The following CABLES1 variants were observed in gnomAD, a reference collection of about 807,000 sequenced individuals.
CABLES1 encodes Cdk5 and Abl enzyme substrate 1.
CABLES1 carries 36 observed loss-of-function variants against 57.8 expected under a neutral mutation model. The ratio of observed to expected loss-of-function variants is 0.62; its 90% CI spans 0.48 to 0.82. CABLES1 has a LOEUF of 0.82. Among genes scored for constraint, CABLES1 ranks in the 40% least tolerant of loss-of-function variants. The pLI is 0.00. For synonymous variants in CABLES1, 374 were observed against 363.0 expected (o/e 1.03, Z -0.35); for missense variants, 767 against 836.6 (o/e 0.92, Z 1.03).
At chr18:23,223,239 C>T (rs1438379238) in intron 4 of CABLES1, among the ~76,000 whole-genome samples, 1 of 152,170 alleles carries the variant, frequency 6.6e-6, no homozygotes, top group Non-Finnish European at 1.5e-5. Flanking sequence ...CACACAGCCC[C>T]ATATTGAGCA....
At chr18:23,164,747 CAT>C (rs1293576384) in intron 1 of CABLES1, among the ~76,000 whole-genome samples, 2 of 150,550 alleles carry the variant, frequency 1.3e-5, no homozygotes, top group Non-Finnish European at 2.9e-5. Context: ...TGTGATAAAA[CAT>C]ATAAAAATTT....
intron 2 of CABLES1, among the ~76,000 whole-genome samples, chr18:23,192,188 G>A (rs559370764): frequency 6.6e-6 from 1 of 152,322 alleles, no homozygotes; most frequent in Non-Finnish European, 1.5e-5. Flanking sequence ...GTTACCTGGT[G>A]TCCAAAAATA....
rs1320066627 is a variant in CABLES1, at chr18:23,188,834, G to T, written c.846-4G>T. ...ACTCCCAGATTTTTTCCTTCTTTCTGCAGACGGCGCCTCATCTCCCAGAGA... is the reference window on the plus strand; with the variant it reads ...ACTCCCAGATTTTTTCCTTCTTTCTTCAGACGGCGCCTCATCTCCCAGAGA... On this transcript the variant is annotated splice_region_variant and splice_polypyrimidine_tract_variant and intron_variant, in intron 1 of 9. Transcript: ENST00000256925. The T allele has an allele frequency of 6.2e-7, 1 of 1,612,930 alleles. No individual in the cohort carries two copies. Among genetic ancestry groups the T allele is most frequent in the Non-Finnish European group, 8.5e-7 (1 of 1,179,016 alleles).
intron 3 of CABLES1, among the ~76,000 whole-genome samples, chr18:23,195,949 C>T (rs973783069): frequency 3.3e-5 from 5 of 152,118 alleles, no homozygotes; most frequent in Admixed American, 2.0e-4. Flanking sequence ...ATGTAGAAAG[C>T]CTTTAATTTC....
intron 1 of CABLES1, among the ~76,000 whole-genome samples, chr18:23,179,106 T>G (rs1231142787): frequency 6.6e-6 from 1 of 152,012 alleles, no homozygotes; most frequent in East Asian, 1.9e-4. Context: ...GCCAACACGG[T>G]GAAACCCTGT....
intron 1 of CABLES1, among the ~76,000 whole-genome samples, chr18:23,151,022 T>G (rs1434483228): frequency 1.3e-5 from 2 of 148,202 alleles, no homozygotes; most frequent in Non-Finnish European, 3.0e-5. Flanking sequence ...TACGTTTTTT[T>G]TTTTTTTTTT....
chr18:23,166,708 A>G (rs28625207), intron 1 of CABLES1, among the ~76,000 whole-genome samples: 121,426 of 152,170 alleles, frequency 0.8, 48,690 homozygotes, highest in Middle Eastern at 0.87. Flanking sequence ...GTATATATAC[A>G]TATTTAGTGT....
intron 1 of CABLES1, among the ~76,000 whole-genome samples, chr18:23,145,414 T>A (rs2046885832): frequency 6.6e-6 from 1 of 152,156 alleles, no homozygotes; most frequent in East Asian, 1.9e-4. Flanking sequence ...TTTGTCCTGT[T>A]CTCCTCTTTG....
intron 3 of CABLES1, among the ~76,000 whole-genome samples, chr18:23,203,191 G>A (rs1274196060): frequency 3.9e-5 from 6 of 152,122 alleles, no homozygotes; most frequent in Admixed American, 3.9e-4. Context: ...GCTTTACTGG[G>A]TGTCCTTTTG....
At chr18:23,143,533 A>T (rs1334966946) in intron 1 of CABLES1, among the ~76,000 whole-genome samples, 1 of 152,170 alleles carries the variant, frequency 6.6e-6, no homozygotes, top group Non-Finnish European at 1.5e-5. Flanking sequence ...CTGGCTGTTT[A>T]TAAATAATAC....
Position 23,147,687 on chromosome 18 carries a change from C to T in CABLES1, c.845+11080C>T, listed in dbSNP as rs560867959. Among the ~76,000 whole-genome samples the T allele has an allele frequency of 2.0e-5, 3 of 152,286 alleles. No individual in the cohort carries two copies. The East Asian group carries it at 5.8e-4, about 29-fold the overall frequency. On this transcript the variant is annotated intron_variant, in intron 1 of 9. Transcript: ENST00000256925. ...TGGTGCTGCATTTTGCCCCTGCTTA[C>T]GCTGGAATCGTGACAATTTCTATTG...
chr18:23,249,625 A>G (rs1003408723), intron 7 of CABLES1, among the ~76,000 whole-genome samples: 9 of 152,290 alleles, frequency 5.9e-5, no homozygotes, highest in African/African-American at 1.9e-4. Flanking sequence ...TTGATCTTCA[A>G]GATAAACCTG....
At chr18:23,243,500 T>C (rs1398703663) in intron 7 of CABLES1, among the ~76,000 whole-genome samples, 3 of 150,636 alleles carry the variant, frequency 2.0e-5, no homozygotes, top group East Asian at 1.9e-4. Context: ...GGTCTTTTTG[T>C]TGTTGTTAAC....
chr18:23,152,767 G>A (rs886241873), intron 1 of CABLES1, among the ~76,000 whole-genome samples: 3 of 151,822 alleles, frequency 2.0e-5, no homozygotes, highest in Admixed American at 6.6e-5. Flanking sequence ...TTATAGGCTC[G>A]AGCCACCATG....
rs112199035 is a variant in CABLES1 at position 23,146,929 on chromosome 18, G to A, written c.845+10322G>A. Among the ~76,000 whole-genome samples, 313 of 152,224 alleles carry A rather than the reference G, an allele frequency of 2.1e-3. 3 individuals carry two copies. The highest frequency in any genetic ancestry group is 7.0e-3 in the African/African-American group (292 of 41,544). On this transcript the variant is annotated intron_variant, in intron 1 of 9. Coordinates refer to ENST00000256925, the MANE Select transcript of CABLES1 (RefSeq NM_001100619.3). The stretch of plus-strand genomic sequence containing the variant: ...TCTCAAATCTTCTACTTGTGAGTTC[G>A]TTAACCAAAATGCTAGGGCCTCATC...
In CABLES1 at chr18:23,151,458, T is replaced by G. The variant is rs78438355; in HGVS notation, c.845+14851T>G. Among the ~76,000 whole-genome samples, 528 of 151,952 alleles carry G rather than the reference T, an allele frequency of 3.5e-3. 4 individuals are homozygous for G. The highest frequency in any genetic ancestry group is 0.012 in the African/African-American group (489 of 41,436). ...ACAGTAGCCTGGACAGAGGTAGAGA[T>G]GGTGAAGGGTGGGTGGATGGCAGGT... On this transcript the variant is annotated intron_variant, in intron 1 of 9. Coordinates refer to ENST00000256925, the MANE Select transcript of CABLES1 (RefSeq NM_001100619.3).
chr18:23,167,725 G>A (rs1331564932), intron 1 of CABLES1, among the ~76,000 whole-genome samples: 1 of 139,930 alleles, frequency 7.1e-6, no homozygotes, highest in Non-Finnish European at 1.6e-5. Context: ...GGCCATGGGA[G>A]CAAGGAGGGG....
intron 4 of CABLES1, among the ~76,000 whole-genome samples, chr18:23,233,216 G>C (rs2145080096): frequency 6.6e-6 from 1 of 152,274 alleles, no homozygotes; most frequent in Admixed American, 6.5e-5. Flanking sequence ...CAACTGCCTG[G>C]GGGTGGGAGC....
At chr18:23,180,842 G>T (rs1274109816) in intron 1 of CABLES1, among the ~76,000 whole-genome samples, 1 of 152,068 alleles carries the variant, frequency 6.6e-6, no homozygotes, top group African/African-American at 2.4e-5. Flanking sequence ...TGTCTGTGGT[G>T]GGGGGATGGA....
Sources: allele counts gnomAD v4.1 joint callset (sites outside exome capture counted in the v4.1 genomes callset), GRCh38; gene constraint gnomAD v4.1.1; transcripts MANE v1.5; gene names NCBI Gene and HGNC (gene_info 2026-07-23, HGNC 2026-07-21).